The following SIPA1L1 variants were observed in gnomAD, a reference collection of about 807,000 sequenced individuals.
SIPA1L1 encodes the protein signal induced proliferation associated 1 like 1, also known as signal-induced proliferation-associated 1-like protein 1.
SIPA1L1 carries 26 observed loss-of-function variants against 162.7 expected under a neutral mutation model. The observed-to-expected ratio is 0.16, with a 90% CI of 0.12 to 0.22. The LOEUF (loss-of-function observed/expected upper bound fraction) is 0.22, where lower values mean the gene tolerates loss of function less well. SIPA1L1 is among the 10% of genes least tolerant of loss of function. The pLI is 1.00. For synonymous variants in SIPA1L1, 829 were observed against 837.4 expected (o/e 0.99, Z 0.17); for missense variants, 1,874 against 2,241.0 (o/e 0.84, Z 3.31).
chr14:71,661,209 G>A (rs1423197911), intron 9 of SIPA1L1, 101 bp from the exon 10 acceptor site: 1 of 1,244,150 alleles, frequency 8.0e-7, no homozygotes, highest in African/African-American at 1.5e-5. Context: ...CATGTGTACT[G>A]ATTAGGAATG....
At chr14:71,639,899 T>G (rs1360212759) in intron 7 of SIPA1L1, among the ~76,000 whole-genome samples, 12 of 92,512 alleles carry the variant, frequency 1.3e-4, no homozygotes, top group African/African-American at 2.7e-4. Flanking sequence ...ACTTTTTGGG[T>G]TTTTTTGTTT....
intron 2 of SIPA1L1, among the ~76,000 whole-genome samples, chr14:71,386,708 C>T (rs1335394068): frequency 6.6e-6 from 1 of 152,190 alleles, no homozygotes; most frequent in Non-Finnish European, 1.5e-5. Context: ...CAGCTCCTGA[C>T]TAGAAGATAA....
At chr14:71,337,534 A>ACT (rs768366122) in intron 2 of SIPA1L1, among the ~76,000 whole-genome samples, 7 of 152,000 alleles carry the variant, frequency 4.6e-5, no homozygotes, top group Non-Finnish European at 8.8e-5. Context: ...GTCCTGGAGA[A>ACT]CTCCTCTTTA....
intron 4 of SIPA1L1, among the ~76,000 whole-genome samples, chr14:71,536,853 T>G (rs1354837816): frequency 6.6e-6 from 1 of 152,244 alleles, no homozygotes; most frequent in Non-Finnish European, 1.5e-5. Context: ...AGCATCACAT[T>G]GAGATTTTAG....
intron 4 of SIPA1L1, among the ~76,000 whole-genome samples, chr14:71,579,572 CAG>C (rs1280495924): frequency 6.6e-6 from 1 of 152,174 alleles, no homozygotes; most frequent in African/African-American, 2.4e-5. Flanking sequence ...GTCAGACAGA[CAG>C]AGGAACCATA....
intron 15 of SIPA1L1, 34 bp from the exon 16 acceptor site, chr14:71,705,188 T>A: frequency 6.9e-7 from 1 of 1,458,674 alleles, no homozygotes; most frequent in Non-Finnish European, 9.6e-7. Flanking sequence ...TTCTGCTTAG[T>A]GCCTGCACCA....
At chr14:71,359,417 C>A (rs942635024) in intron 2 of SIPA1L1, among the ~76,000 whole-genome samples, 3 of 152,184 alleles carry the variant, frequency 2.0e-5, no homozygotes, top group Non-Finnish European at 4.4e-5. Flanking sequence ...GACTAATACA[C>A]CTTATATGTA....
chr14:71,589,357 T>G lies in SIPA1L1; in HGVS notation c.1485T>G (p.Phe495Leu). The part of the protein sequence containing the change: ...VDLGAYYYRK[F>L]FYQKEHWNYF... The stretch of plus-strand genomic sequence containing the variant: ...TGGGTGCATACTATTATAGAAAATT[T>G]TTCTACCAGAAGGGTAAGTAGAGAT... The change falls in exon 5 of 24, where the codon TTT (phenylalanine) becomes TTG (leucine). Residue 495 changes from phenylalanine to leucine, a missense_variant. By Grantham distance (22) the Phe-to-Leu change is conservative. This residue lies in a region of SIPA1L1 where 685 missense variants were observed against 828.0 expected (regional missense o/e 0.83). Transcript: ENST00000381232. 1 of 1,604,592 alleles carries G rather than the reference T, an allele frequency of 6.2e-7. No individual in the cohort carries two copies.
At chr14:71,447,809 T>G (rs2045525786) in intron 2 of SIPA1L1, among the ~76,000 whole-genome samples, 1 of 152,108 alleles carries the variant, frequency 6.6e-6, no homozygotes, top group Non-Finnish European at 1.5e-5. Context: ...GCTCTGGCAA[T>G]CCGCCTGCCT....
At chr14:71,594,340 G>T (rs2035780368) in intron 5 of SIPA1L1, among the ~76,000 whole-genome samples, 1 of 152,056 alleles carries the variant, frequency 6.6e-6, no homozygotes, top group African/African-American at 2.4e-5. Flanking sequence ...AAATTTTAGT[G>T]GATTATTTTT....
chr14:71,556,912 G>C (rs1468080906), intron 4 of SIPA1L1, among the ~76,000 whole-genome samples: 5 of 152,196 alleles, frequency 3.3e-5, no homozygotes, highest in African/African-American at 7.2e-5. Context: ...TATGGAGCAG[G>C]ACTCTCTGGA....
chr14:71,704,753 T>G, intron 15 of SIPA1L1: 1 of 1,613,122 alleles, frequency 6.2e-7, no homozygotes, highest in Non-Finnish European at 8.5e-7. Flanking sequence ...GGATTTCAAT[T>G]CTTTTGTCCT....
chr14:71,355,342 G>A (rs2140724881), intron 2 of SIPA1L1, among the ~76,000 whole-genome samples: 1 of 152,254 alleles, frequency 6.6e-6, no homozygotes, highest in African/African-American at 2.4e-5. Context: ...AGATAATAGT[G>A]TCCTATTTTA....
At chr14:71,649,317 G>T (rs1389333253) in intron 7 of SIPA1L1, among the ~76,000 whole-genome samples, 2 of 149,888 alleles carry the variant, frequency 1.3e-5, no homozygotes, top group African/African-American at 2.5e-5. Context: ...TCAACCTCCC[G>T]AGTAGCTGGG....
intron 2 of SIPA1L1, among the ~76,000 whole-genome samples, chr14:71,462,240 G>GC (rs1413163426): frequency 1.3e-5 from 2 of 152,212 alleles, no homozygotes; most frequent in Non-Finnish European, 2.9e-5. Context: ...AGGCGGCAGA[G>GC]CCTTGCTCCA....
intron 2 of SIPA1L1, among the ~76,000 whole-genome samples, chr14:71,360,942 G>A (rs1289588885): frequency 6.6e-6 from 1 of 152,106 alleles, no homozygotes; most frequent in Non-Finnish European, 1.5e-5. Flanking sequence ...ATCATATTTT[G>A]TGTCTTTTTC....
intron 8 of SIPA1L1, among the ~76,000 whole-genome samples, chr14:71,650,941 T>C (rs1257584576): frequency 6.6e-6 from 1 of 152,202 alleles, no homozygotes; most frequent in Non-Finnish European, 1.5e-5. Flanking sequence ...TTTTGTTTTT[T>C]TGTATTCTTT....
chr14:71,533,071 C>A (rs1399638488), intron 4 of SIPA1L1, among the ~76,000 whole-genome samples: 3 of 152,182 alleles, frequency 2.0e-5, no homozygotes, highest in Non-Finnish European at 4.4e-5. Context: ...AAATATGATA[C>A]TCCTCTCTTC....
At chr14:71,540,274 A>G (rs1261883386) in intron 4 of SIPA1L1, among the ~76,000 whole-genome samples, 1 of 152,130 alleles carries the variant, frequency 6.6e-6, no homozygotes, top group Non-Finnish European at 1.5e-5. Flanking sequence ...GATTAGAGGG[A>G]CATTTCTGAA....
Sources: allele counts gnomAD v4.1 joint callset (sites outside exome capture counted in the v4.1 genomes callset), GRCh38; gene constraint gnomAD v4.1.1; regional missense constraint gnomAD v4.1.1; transcripts MANE v1.5; gene names NCBI Gene and HGNC (gene_info 2026-07-23, HGNC 2026-07-21).